The following VAT1L variants were observed in gnomAD, a reference collection of about 807,000 sequenced individuals.
The protein encoded by VAT1L is vesicle amine transport 1 like.
In VAT1L, 34 loss-of-function variants were observed where a neutral mutation model predicts 44.1. That is an observed-to-expected ratio of 0.77 (90% CI 0.59 to 1.03). VAT1L has a LOEUF of 1.03. VAT1L is among the 50% of genes least tolerant of loss of function. The probability of loss-of-function intolerance (pLI) is 0.00; values close to 1 mark genes in which losing one functional copy is unlikely to be tolerated. For synonymous variants in VAT1L, 253 were observed against 202.2 expected, an observed-to-expected ratio of 1.25 and a Z score of -2.13; for missense variants, 615 against 538.8, an observed-to-expected ratio of 1.14 and a Z score of -1.40.
At chr16:77,824,503 C>T (rs961022656) in intron 2 of VAT1L, among the ~76,000 whole-genome samples, 14 of 152,070 alleles carry the variant, frequency 9.2e-5, no homozygotes, top group African/African-American at 3.1e-4. Flanking sequence ...CGCCTGTAAT[C>T]CCAGCACTTT....
chr16:77,911,652 G>A (rs1392573771), intron 7 of VAT1L, among the ~76,000 whole-genome samples: 2 of 152,194 alleles, frequency 1.3e-5, no homozygotes, highest in African/African-American at 4.8e-5. Context: ...ACTTCCCAAA[G>A]CCTGAGGAGT....
At chr16:77,893,452 T>C (rs988430593) in intron 7 of VAT1L, among the ~76,000 whole-genome samples, 3 of 152,186 alleles carry the variant, frequency 2.0e-5, no homozygotes, top group African/African-American at 4.8e-5. Flanking sequence ...TGTGAAAAAG[T>C]TGATGAGCTT....
intron 7 of VAT1L, among the ~76,000 whole-genome samples, chr16:77,894,148 G>A (rs1391978083): frequency 6.6e-6 from 1 of 152,152 alleles, no homozygotes; most frequent in Non-Finnish European, 1.5e-5. Context: ...GGAAAGACCA[G>A]AACCCTACAA....
chr16:77,828,554 T>G (rs904939184), intron 3 of VAT1L, among the ~76,000 whole-genome samples: 10 of 152,044 alleles, frequency 6.6e-5, no homozygotes, highest in African/African-American at 2.4e-4. Context: ...TCCCAGCTAC[T>G]TAGGAGGCTG....
intron 1 of VAT1L, among the ~76,000 whole-genome samples, chr16:77,794,654 G>A (rs1044208962): frequency 5.3e-5 from 8 of 152,210 alleles, no homozygotes; most frequent in Non-Finnish European, 1.2e-4. Context: ...ATGAGGTTAA[G>A]ATGTTTGTAA....
chr16:77,813,879 C>T (rs570763704), intron 1 of VAT1L, among the ~76,000 whole-genome samples: 1 of 152,306 alleles, frequency 6.6e-6, no homozygotes, highest in Non-Finnish European at 1.5e-5. Context: ...AGTCAGTTCT[C>T]TGCAAGGGGG....
At chr16:77,907,070 T>C (rs4887924) in intron 7 of VAT1L, among the ~76,000 whole-genome samples, 2 of 152,130 alleles carry the variant, frequency 1.3e-5, no homozygotes, top group Admixed American at 1.3e-4. Flanking sequence ...AAATATTAAA[T>C]ATTTTAACAA....
chr16:77,916,723 G>A (rs1440405950), intron 7 of VAT1L, among the ~76,000 whole-genome samples: 1 of 151,960 alleles, frequency 6.6e-6, no homozygotes, highest in Non-Finnish European at 1.5e-5. Flanking sequence ...AAGAATCTAT[G>A]CTGGAATCGT....
intron 3 of VAT1L, among the ~76,000 whole-genome samples, chr16:77,849,403 A>T (rs932299557): frequency 6.6e-6 from 1 of 152,216 alleles, no homozygotes; most frequent in Non-Finnish European, 1.5e-5. Context: ...CCATGTTTTT[A>T]TGAACAAATT....
intron 1 of VAT1L, among the ~76,000 whole-genome samples, chr16:77,811,820 A>G (rs1213119681): frequency 2.0e-5 from 3 of 152,188 alleles, no homozygotes; most frequent in African/African-American, 4.8e-5. Context: ...TAACTCTTAT[A>G]TAAAGTCTAA....
At chr16:77,917,758 T>G (rs747794439) in intron 7 of VAT1L, among the ~76,000 whole-genome samples, 3 of 152,136 alleles carry the variant, frequency 2.0e-5, no homozygotes, top group Non-Finnish European at 4.4e-5. Flanking sequence ...TAAGAGAGAT[T>G]ATTACCAAAG....
At chr16:77,856,787 G>A (rs550330898) in intron 3 of VAT1L, among the ~76,000 whole-genome samples, 1 of 152,128 alleles carries the variant, frequency 6.6e-6, no homozygotes. Context: ...GCAAAGACCC[G>A]AAGTTGTCTC....
intron 4 of VAT1L, among the ~76,000 whole-genome samples, chr16:77,871,176 AT>A (rs1376445289): frequency 2.7e-4 from 41 of 152,244 alleles, no homozygotes; most frequent in Admixed American, 2.6e-3. Context: ...GGTGCTGAGA[AT>A]GATATCTGCC....
In VAT1L at chr16:77,817,068, A is replaced by G. The variant is rs201899345; in HGVS notation, c.363+18A>G. On this transcript the variant is annotated intron_variant, in intron 2 of 8. Coordinates refer to ENST00000302536, the MANE Select transcript of VAT1L (RefSeq NM_020927.3). ...GATATGAGGTAATGTTTGGCTCTCA[A>G]TTGAAGAGTAATATTCATTTGGAAT... 2.4e-5 allele frequency: 38 copies of G among 1,607,486 alleles called. 1 individual carries two copies. The highest frequency in any genetic ancestry group is 1.8e-4 in the South Asian group (16 of 89,218).
At chr16:77,950,753 G>C (rs1450737964) in intron 7 of VAT1L, among the ~76,000 whole-genome samples, 2 of 152,072 alleles carry the variant, frequency 1.3e-5, no homozygotes, top group Non-Finnish European at 2.9e-5. Flanking sequence ...ATGTTATACA[G>C]CTTTATTCCA....
At chr16:77,815,760 G>C (rs1267678744) in intron 1 of VAT1L, among the ~76,000 whole-genome samples, 3 of 151,596 alleles carry the variant, frequency 2.0e-5, no homozygotes, top group Non-Finnish European at 4.4e-5. Flanking sequence ...CCTGAGTTAG[G>C]AGTTTGAGAC....
At chr16:77,882,188 A>G (rs1444054542) in intron 6 of VAT1L, 3 of 152,226 alleles carry the variant, frequency 2.0e-5, no homozygotes, top group Non-Finnish European at 4.4e-5. Flanking sequence ...TCCTAGAAAA[A>G]AAATTTTTCA....
At chr16:77,846,723 G>A (rs574636135) in intron 3 of VAT1L, among the ~76,000 whole-genome samples, 2 of 152,218 alleles carry the variant, frequency 1.3e-5, no homozygotes, top group African/African-American at 4.8e-5. Flanking sequence ...AGGAATTATG[G>A]TATATCTATA....
chr16:77,864,557 GATCATGCCACTGCACTCC>G, intron 4 of VAT1L, among the ~76,000 whole-genome samples: 2 of 152,346 alleles, frequency 1.3e-5, no homozygotes, highest in Admixed American at 1.3e-4. Flanking sequence ...AGTGAGCTGA[GATCATGCCACTGCACTCC>G]AGCATGGGTG....
Sources: allele counts gnomAD v4.1 joint callset (sites outside exome capture counted in the v4.1 genomes callset), GRCh38; gene constraint gnomAD v4.1.1; transcripts MANE v1.5; gene names NCBI Gene and HGNC (gene_info 2026-07-23, HGNC 2026-07-21).